The following EXOC6B variants were observed in gnomAD, a reference collection of about 807,000 sequenced individuals.
EXOC6B encodes SEC15 homolog B.
A neutral mutation model predicts 113.5 loss-of-function variants in EXOC6B; 54 were observed. The ratio of observed to expected loss-of-function variants is 0.48; its 90% CI spans 0.38 to 0.60. EXOC6B has a LOEUF of 0.60. EXOC6B is among the 20% of genes least tolerant of loss of function. EXOC6B has a pLI of 0.00. For synonymous variants in EXOC6B, 357 were observed against 339.0 expected, an observed-to-expected ratio of 1.05 and a Z score of -0.58; for missense variants, 797 against 977.5, an observed-to-expected ratio of 0.82 and a Z score of 2.46.
chr2:72,591,087 ATAAAT>A (rs1705923592), intron 6 of EXOC6B, among the ~76,000 whole-genome samples: 3 of 152,080 alleles, frequency 2.0e-5, no homozygotes, highest in Admixed American at 2.0e-4. Context: ...GTTTATGAAA[ATAAAT>A]TAAAAGACTA....
chr2:72,214,511 T>C (rs1680394642), intron 20 of EXOC6B, among the ~76,000 whole-genome samples: 1 of 151,868 alleles, frequency 6.6e-6, no homozygotes, highest in African/African-American at 2.4e-5. Context: ...AAAAGATTAC[T>C]TATTATCACA....
intron 10 of EXOC6B, among the ~76,000 whole-genome samples, 175 bp from the exon 11 acceptor site, chr2:72,513,427 T>C (rs924575786): frequency 4.6e-5 from 7 of 152,114 alleles, no homozygotes; most frequent in Admixed American, 4.6e-4. Context: ...CCAAAAATTA[T>C]GTCTGTGATC....
chr2:72,825,020 G>A lies in EXOC6B; in HGVS notation c.113+778C>T, dbSNP rs1251796958. On this transcript the variant is annotated intron_variant, in intron 1 of 21. Transcript: ENST00000272427. The surrounding 1 kb of genome is among the most constrained non-coding windows in gnomAD (Gnocchi z 4.4). ...TACGGTTGTTTTGTAGCTTAAATAAGTTGCATTTGTAAATCACTTTATACA... is the reference window on the plus strand; with the variant it reads ...TACGGTTGTTTTGTAGCTTAAATAAATTGCATTTGTAAATCACTTTATACA... Among the ~76,000 whole-genome samples, 1 of 152,174 alleles carries A rather than the reference G, an allele frequency of 6.6e-6. No homozygotes were observed. Among genetic ancestry groups the A allele is most frequent in the African/African-American group, 2.4e-5 (1 of 41,442 alleles).
chr2:72,770,794 G>C (rs537441573), intron 1 of EXOC6B, among the ~76,000 whole-genome samples: 28 of 152,218 alleles, frequency 1.8e-4, no homozygotes, highest in Admixed American at 7.2e-4. Flanking sequence ...CCTTGGGTGA[G>C]AAATCAGTAA....
intron 8 of EXOC6B, among the ~76,000 whole-genome samples, chr2:72,521,198 C>A (rs1242602703): frequency 1.3e-5 from 2 of 152,080 alleles, no homozygotes; most frequent in East Asian, 3.9e-4. Flanking sequence ...AGAAGAGTTC[C>A]TCCCCTCCAT....
At chr2:72,731,267 T>C in intron 3 of EXOC6B, 22 bp from the exon 4 acceptor site, 1 of 1,561,892 alleles carries the variant, frequency 6.4e-7, no homozygotes. Context: ...GGAAAAAGAC[T>C]GAATTATGCC....
intron 16 of EXOC6B, among the ~76,000 whole-genome samples, chr2:72,486,769 A>T (rs977735051): frequency 3.3e-5 from 5 of 152,118 alleles, no homozygotes; most frequent in African/African-American, 1.2e-4. Flanking sequence ...ACATTGCATC[A>T]GAGATTTCTC....
chr2:72,383,810 A>G (rs1573003721), intron 18 of EXOC6B, among the ~76,000 whole-genome samples: 1 of 152,072 alleles, frequency 6.6e-6, no homozygotes, highest in Non-Finnish European at 1.5e-5. Flanking sequence ...GGAATACTAC[A>G]CAGCCATAAA....
chr2:72,556,169 G>T (rs746516879), intron 8 of EXOC6B, among the ~76,000 whole-genome samples: 1 of 152,176 alleles, frequency 6.6e-6, no homozygotes, highest in Non-Finnish European at 1.5e-5. Flanking sequence ...CATTTTTCTT[G>T]TTGACTTTCT....
At chr2:72,429,447 T>C (rs1303963351) in intron 18 of EXOC6B, among the ~76,000 whole-genome samples, 35 of 152,198 alleles carry the variant, frequency 2.3e-4, no homozygotes, top group Admixed American at 2.3e-3. Flanking sequence ...GATATATACA[T>C]ACATCAGATC....
At chr2:72,250,721 T>G (rs1682962230) in intron 20 of EXOC6B, among the ~76,000 whole-genome samples, 1 of 152,162 alleles carries the variant, frequency 6.6e-6, no homozygotes, top group Non-Finnish European at 1.5e-5. Context: ...TATTATGATT[T>G]TTTGGAAAAT....
chr2:72,773,804 C>A (rs1277384142), intron 1 of EXOC6B, among the ~76,000 whole-genome samples: 2 of 152,084 alleles, frequency 1.3e-5, no homozygotes, highest in Non-Finnish European at 2.9e-5. Flanking sequence ...TATGGCAATG[C>A]GCAGTTTTGG....
intron 6 of EXOC6B, among the ~76,000 whole-genome samples, chr2:72,641,188 C>A (rs529987364): frequency 6.6e-6 from 1 of 152,304 alleles, no homozygotes; most frequent in South Asian, 2.1e-4. Flanking sequence ...AACTGAGGTA[C>A]CTGGTTCATC....
intron 1 of EXOC6B, among the ~76,000 whole-genome samples, chr2:72,765,062 G>A (rs1682977749): frequency 6.7e-6 from 1 of 150,004 alleles, no homozygotes; most frequent in African/African-American, 2.5e-5. Context: ...ATACCAGCCT[G>A]AGCAACATGG....
chr2:72,645,304 C>A (rs976731711), intron 6 of EXOC6B, among the ~76,000 whole-genome samples: 2 of 152,228 alleles, frequency 1.3e-5, no homozygotes, highest in South Asian at 2.1e-4. Flanking sequence ...TCCTTAGAGA[C>A]CTACAAAGAG....
At chr2:72,523,899 G>A (rs1701629061) in intron 8 of EXOC6B, among the ~76,000 whole-genome samples, 1 of 151,248 alleles carries the variant, frequency 6.6e-6, no homozygotes, top group Non-Finnish European at 1.5e-5. Flanking sequence ...AGTGGGCTGA[G>A]TTCTTCACAT....
intron 20 of EXOC6B, among the ~76,000 whole-genome samples, chr2:72,234,176 C>A (rs535427510): frequency 1.3e-5 from 2 of 151,666 alleles, no homozygotes; most frequent in South Asian, 4.2e-4. Flanking sequence ...AACCTCCGTC[C>A]CCCCGGTTTA....
chr2:72,261,583 C>A (rs1314724705), intron 20 of EXOC6B, among the ~76,000 whole-genome samples: 1 of 152,102 alleles, frequency 6.6e-6, no homozygotes, highest in African/African-American at 2.4e-5. Flanking sequence ...GGAAATATAG[C>A]CTGTTCCAAT....
chr2:72,463,549 G>A (rs1573181132), intron 18 of EXOC6B: 1 of 151,964 alleles, frequency 6.6e-6, no homozygotes, highest in African/African-American at 2.4e-5. Flanking sequence ...ACTAGGGGGC[G>A]AAAAAAACTT....
Sources: gnomAD v4.1 joint callset for allele counts (sites outside exome capture counted in the v4.1 genomes callset) on GRCh38, gnomAD v4.1.1 for gene constraint, Gnocchi (gnomAD v3.1) non-coding constraint, MANE v1.5 for transcripts, NCBI Gene and HGNC (gene_info 2026-07-23, HGNC 2026-07-21) for gene names.